The following CDC42BPA variants were observed in gnomAD, a reference collection of about 807,000 sequenced individuals.
CDC42BPA encodes the protein serine/threonine-protein kinase MRCK alpha.
CDC42BPA carries 80 observed loss-of-function variants against 223.5 expected under a neutral mutation model. The ratio of observed to expected loss-of-function variants is 0.36; its 90% CI spans 0.30 to 0.43. The LOEUF (loss-of-function observed/expected upper bound fraction) is 0.43, where lower values mean the gene tolerates loss of function less well. Ranked by LOEUF, CDC42BPA falls within the 20% of genes least tolerant of loss-of-function variation. CDC42BPA has a pLI of 1.00. For missense variants in CDC42BPA, 1,743 were observed against 2,099.9 expected, an observed-to-expected ratio of 0.83 and a Z score of 3.32; for synonymous variants, 694 against 718.6, an observed-to-expected ratio of 0.97 and a Z score of 0.55.
chr1:227,272,909 T>A (rs1448086422), intron 1 of CDC42BPA, among the ~76,000 whole-genome samples: 1 of 152,214 alleles, frequency 6.6e-6, no homozygotes, highest in Non-Finnish European at 1.5e-5. Flanking sequence ...ACTTAACCTA[T>A]CTAATTCTCC....
At chr1:227,017,103 C>T (rs1666430429) in intron 32 of CDC42BPA, 53 bp from the exon 33 acceptor site, 1 of 1,531,860 alleles carries the variant, frequency 6.5e-7, no homozygotes, top group South Asian at 1.2e-5. Context: ...TGTTAAAATG[C>T]TTTTTATCTA....
chr1:227,291,355 CCTGT>C (rs1433965686), intron 1 of CDC42BPA, among the ~76,000 whole-genome samples: 2 of 152,040 alleles, frequency 1.3e-5, no homozygotes, highest in African/African-American at 2.4e-5. Flanking sequence ...TCAAAACCAG[CCTGT>C]CTAACATGGT....
At chr1:227,281,988 G>A (rs556733327) in intron 1 of CDC42BPA, among the ~76,000 whole-genome samples, 19 of 152,118 alleles carry the variant, frequency 1.2e-4, no homozygotes, top group Admixed American at 4.6e-4. Flanking sequence ...TCGGGAGTTC[G>A]CGACCAGCCT....
Position 226,990,527 on chromosome 1 carries a change from G to C in CDC42BPA, c.*3741C>G, listed in dbSNP as rs950438675. The C allele has an allele frequency of 6.6e-6, 1 of 152,310 alleles. No individual in the cohort carries two copies. The highest frequency in any genetic ancestry group is 2.4e-5 in the African/African-American group (1 of 41,474). 9.4% of individuals were successfully genotyped at this position (152,310 alleles called of 1,614,324 possible). A position where few individuals can be genotyped will look rare whatever the true frequency, so the allele number is the denominator to read the frequency against. On this transcript the variant is annotated 3_prime_UTR_variant, in exon 37 of 37. Transcript: ENST00000366766. ...AATTCATTCCCTGTTGTGCTCACCA[G>C]ACATGGGCTACGGCAAAGTCTGCTC...
chr1:227,273,085 A>G (rs550660977), intron 1 of CDC42BPA, among the ~76,000 whole-genome samples: 9 of 152,178 alleles, frequency 5.9e-5, no homozygotes, highest in South Asian at 2.1e-4. Flanking sequence ...CTAAGGTGAG[A>G]TCAGGAGTTT....
intron 16 of CDC42BPA, among the ~76,000 whole-genome samples, chr1:227,085,542 T>G (rs1460401793): frequency 6.6e-6 from 1 of 152,364 alleles, no homozygotes; most frequent in South Asian, 2.1e-4. Context: ...TGTATTTCTG[T>G]GCAGAGATAG....
At chr1:227,053,088 T>C (rs1005253268) in intron 21 of CDC42BPA, among the ~76,000 whole-genome samples, 20 of 152,238 alleles carry the variant, frequency 1.3e-4, no homozygotes, top group African/African-American at 4.8e-4. Context: ...ACTCTGGGCA[T>C]GTGGCTTCAA....
intron 35 of CDC42BPA, among the ~76,000 whole-genome samples, chr1:226,995,194 C>A (rs1661373771): frequency 6.6e-6 from 1 of 152,178 alleles, no homozygotes; most frequent in African/African-American, 2.4e-5. Flanking sequence ...GCCACGGGGA[C>A]TCCCGGTGAG....
At chr1:227,089,079 T>C (rs1411606989) in intron 16 of CDC42BPA, among the ~76,000 whole-genome samples, 4 of 152,216 alleles carry the variant, frequency 2.6e-5, no homozygotes, top group African/African-American at 9.6e-5. Flanking sequence ...TACAAAAATG[T>C]CATCTAATTT....
At chr1:227,165,299 T>C (rs1044287860) in intron 5 of CDC42BPA, among the ~76,000 whole-genome samples, 3 of 152,116 alleles carry the variant, frequency 2.0e-5, no homozygotes, top group Admixed American at 2.0e-4. Context: ...ATGGAGAACA[T>C]ACATATGATA....
In CDC42BPA at chr1:227,028,895, G is replaced by A. The variant is rs1418950718; in HGVS notation, c.4194C>T (p.Phe1398=). The A allele has an allele frequency of 1.2e-6, 2 of 1,613,670 alleles. No individual in the cohort carries two copies. The highest frequency in any genetic ancestry group is 1.6e-4 in the Middle Eastern group (1 of 6,062). Residue 1398 remains phenylalanine (F), a synonymous_variant, in exon 30 of 37, where the codon TTC becomes TTT. Coordinates refer to ENST00000366766, the MANE Select transcript of CDC42BPA (RefSeq NM_001394014.1). ...AGGGGTATCTTAGAAATCCTGACTG[G>A]AATCCCACACAGAGTTGTTCACTGA... ...AIFSEQLCVG[F]QSGFLRYPLN...
At chr1:227,133,432 T>C (rs1482193522) in intron 10 of CDC42BPA, among the ~76,000 whole-genome samples, 4 of 152,084 alleles carry the variant, frequency 2.6e-5, no homozygotes, top group Admixed American at 2.6e-4. Context: ...GAGGAGCCCC[T>C]CTGCCCGGCC....
At chr1:227,219,222 T>C (rs1253083863) in intron 2 of CDC42BPA, 1 of 152,216 alleles carries the variant, frequency 6.6e-6, no homozygotes, top group Non-Finnish European at 1.5e-5. Context: ...GGCCTAGTTA[T>C]AGTAATTAGA....
intron 1 of CDC42BPA, among the ~76,000 whole-genome samples, chr1:227,282,661 A>C (rs1289748497): frequency 6.6e-6 from 1 of 152,232 alleles, no homozygotes; most frequent in Non-Finnish European, 1.5e-5. Context: ...AACAGCAAAG[A>C]AGCACAGCTC....
intron 12 of CDC42BPA, among the ~76,000 whole-genome samples, chr1:227,117,374 T>G (rs1687928453): frequency 6.6e-6 from 1 of 152,156 alleles, no homozygotes; most frequent in Admixed American, 6.5e-5. Flanking sequence ...TGGAGTGCAG[T>G]GACATGATCA....
intron 23 of CDC42BPA, among the ~76,000 whole-genome samples, chr1:227,046,293 T>C (rs1672436032): frequency 6.6e-6 from 1 of 152,042 alleles, no homozygotes; most frequent in African/African-American, 2.4e-5. Context: ...AATGACATTA[T>C]CGATAGGTCT....
intron 6 of CDC42BPA, among the ~76,000 whole-genome samples, chr1:227,155,854 AGGATGTGTACT>A (rs1225423442): frequency 3.9e-5 from 6 of 152,316 alleles, no homozygotes; most frequent in African/African-American, 1.4e-4. Flanking sequence ...GAGGATAGAG[AGGATGTGTACT>A]GGATGGGCAA....
At chr1:227,266,780 C>T (rs926154963) in intron 1 of CDC42BPA, among the ~76,000 whole-genome samples, 5 of 152,170 alleles carry the variant, frequency 3.3e-5, no homozygotes, top group African/African-American at 9.7e-5. Context: ...CCAAGACACA[C>T]AACAAACTAT....
At chr1:227,198,943 T>A (rs914546640) in intron 4 of CDC42BPA, among the ~76,000 whole-genome samples, 31 of 152,070 alleles carry the variant, frequency 2.0e-4, no homozygotes, top group African/African-American at 7.2e-4. Flanking sequence ...AGAGACGGGG[T>A]TTCACCGTGT....
Sources: gnomAD v4.1 joint callset for allele counts (sites outside exome capture counted in the v4.1 genomes callset) on GRCh38, gnomAD v4.1.1 for gene constraint, MANE v1.5 for transcripts, NCBI Gene and HGNC (gene_info 2026-07-23, HGNC 2026-07-21) for gene names.